Variants in PHACTR1 observed in about 807,000 individuals in gnomAD.
PHACTR1 encodes the protein phosphatase and actin regulator 1, also known as RPEL repeat containing 1.
PHACTR1 carries 16 observed loss-of-function variants against 69.2 expected under a neutral mutation model. The ratio of observed to expected loss-of-function variants is 0.23; its 90% confidence interval spans 0.16 to 0.35. PHACTR1 has a LOEUF of 0.35. PHACTR1 is among the 10% of genes least tolerant of loss of function. The probability of loss-of-function intolerance (pLI) is 1.00; values close to 1 mark genes in which losing one functional copy is unlikely to be tolerated. For missense variants in PHACTR1, 510 were observed against 734.7 expected (o/e 0.69, Z 3.54); for synonymous variants, 312 against 284.5 (o/e 1.10, Z -0.97).
chr6:13,164,080 C>G (rs931298991), intron 6 of PHACTR1, among the ~76,000 whole-genome samples: 2 of 152,060 alleles, frequency 1.3e-5, no homozygotes, highest in Admixed American at 6.5e-5. Context: ...CTGTGACCTC[C>G]TCAGAATGGC....
chr6:13,127,458 T>C (rs976584242), intron 5 of PHACTR1, among the ~76,000 whole-genome samples: 3 of 152,044 alleles, frequency 2.0e-5, no homozygotes, highest in Admixed American at 2.0e-4. Flanking sequence ...TAGTCTCAGC[T>C]ACTCAGGAGG....
chr6:13,117,430 C>T (rs1817974823), intron 5 of PHACTR1, among the ~76,000 whole-genome samples: 2 of 152,176 alleles, frequency 1.3e-5, no homozygotes, highest in African/African-American at 4.8e-5. Flanking sequence ...TGAATAATCT[C>T]AGTGGACTAT....
chr6:12,983,722 A>T (rs1795797588), intron 4 of PHACTR1, among the ~76,000 whole-genome samples: 1 of 152,010 alleles, frequency 6.6e-6, no homozygotes, highest in Non-Finnish European at 1.5e-5. Context: ...ACAGACCCTG[A>T]TGTGTGACGT....
intron 4 of PHACTR1, among the ~76,000 whole-genome samples, chr6:12,983,360 A>T (rs930425011): frequency 2.6e-5 from 4 of 152,194 alleles, no homozygotes; most frequent in Admixed American, 6.5e-5. Flanking sequence ...GGGTCTTGAC[A>T]GTTATGAAAG....
At chr6:13,020,513 G>C (rs370926273) in intron 4 of PHACTR1, among the ~76,000 whole-genome samples, 15 of 152,272 alleles carry the variant, frequency 9.9e-5, no homozygotes, top group African/African-American at 2.9e-4. Context: ...TCCTCCCTGG[G>C]GGTGAAGGCC....
chr6:13,086,110 A>G (rs889388075), intron 5 of PHACTR1, among the ~76,000 whole-genome samples: 3 of 148,306 alleles, frequency 2.0e-5, no homozygotes, highest in East Asian at 1.9e-4. Context: ...AAAAAAAGCT[A>G]AAAGGAAAAG....
At chr6:13,227,754 G>T (rs1770030197) in intron 8 of PHACTR1, 62 bp from the exon 9 acceptor site, 1 of 1,566,180 alleles carries the variant, frequency 6.4e-7, no homozygotes. Context: ...AAATGGTTTT[G>T]ATGCATTTAT....
intron 3 of PHACTR1, among the ~76,000 whole-genome samples, chr6:12,732,169 T>G (rs1354999197): frequency 1.3e-5 from 2 of 151,956 alleles, no homozygotes; most frequent in East Asian, 1.9e-4. Context: ...CAATGCAACA[T>G]ATAGTAATTA....
chr6:13,233,338 G>GATGCTTAAATACTTCTTGGAATTTGTA (rs11272260), intron 10 of PHACTR1, among the ~76,000 whole-genome samples: 4 of 151,964 alleles, frequency 2.6e-5, no homozygotes, highest in East Asian at 1.9e-4. Flanking sequence ...CCCTTATAAG[G>GATGCTTAAATACTTCTTGGAATTTGTA]ACATCCACTG....
chr6:13,048,393 G>A (rs1042422666), intron 4 of PHACTR1, among the ~76,000 whole-genome samples: 2 of 152,174 alleles, frequency 1.3e-5, no homozygotes, highest in East Asian at 3.9e-4. Context: ...TTCCAAAAAA[G>A]GCTGTTTGTG....
At chr6:12,844,397 C>T (rs1436023550) in intron 4 of PHACTR1, among the ~76,000 whole-genome samples, 1 of 151,976 alleles carries the variant, frequency 6.6e-6, no homozygotes, top group East Asian at 1.9e-4. Context: ...ACCCTATCCC[C>T]CGCCCCCAAA....
At chr6:12,804,225 T>C (rs1581826705) in intron 4 of PHACTR1, among the ~76,000 whole-genome samples, 1 of 152,236 alleles carries the variant, frequency 6.6e-6, no homozygotes, top group East Asian at 1.9e-4. Context: ...GCTCATTGAA[T>C]CATCTAATCA....
At position 13,205,901 on chromosome 6, in the gene PHACTR1, G is replaced by C. The variant is rs375123444; in HGVS notation, c.751G>C (p.Val251Leu). ...AAAGAAAGTCATGATCTGTATGCCC[G>C]TGGGGGGGCCAGACCTCTCACTGGT... ...PPKKVMICMP[V>L]GGPDLSLVSY... Residue 251 changes from valine to leucine, a missense_variant, in exon 8 of 15, where the codon GTG becomes CTG. Transcript: ENST00000332995. 1.2e-6 allele frequency: 2 copies of C among 1,613,634 alleles called. No individual in the cohort carries two copies. Among genetic ancestry groups the C allele is most frequent in the Non-Finnish European group, 1.7e-6 (2 of 1,179,594 alleles).
At position 12,745,191 on chromosome 6, in the gene PHACTR1, C is replaced by T. The variant is rs958035; in HGVS notation, c.104-4453C>T. 4.5e-3 allele frequency among the ~76,000 whole-genome samples: 682 copies of T among 152,168 alleles called. 8 individuals are homozygous for T. Among genetic ancestry groups the T allele is most frequent in the African/African-American group, 0.016 (659 of 41,502 alleles). Reference sequence around the variant, plus strand: ...AATATCACATCCTTCTTTCTCCCTCCGCTTCTCACCTCCATCCTCTTCCAT... The same window carrying T: ...AATATCACATCCTTCTTTCTCCCTCTGCTTCTCACCTCCATCCTCTTCCAT... On this transcript the variant is annotated intron_variant, in intron 3 of 14. Coordinates refer to ENST00000332995, the MANE Select transcript of PHACTR1 (RefSeq NM_030948.6).
At chr6:12,918,556 T>C (rs1440755201) in intron 4 of PHACTR1, among the ~76,000 whole-genome samples, 1 of 152,250 alleles carries the variant, frequency 6.6e-6, no homozygotes, top group African/African-American at 2.4e-5. Context: ...ATCGTTATCA[T>C]TGTTTCATTA....
chr6:12,800,237 A>G (rs1319686308), intron 4 of PHACTR1, among the ~76,000 whole-genome samples: 2 of 152,234 alleles, frequency 1.3e-5, no homozygotes, highest in East Asian at 3.9e-4. Flanking sequence ...TGAGTTTCAA[A>G]GGATGTAAAT....
chr6:12,938,389 G>A (rs1789700935), intron 4 of PHACTR1, among the ~76,000 whole-genome samples: 1 of 151,988 alleles, frequency 6.6e-6, no homozygotes, highest in South Asian at 2.1e-4. Flanking sequence ...TCTATGTTAG[G>A]CTAGCTGCAT....
chr6:13,090,535 G>C (rs146614745), intron 5 of PHACTR1, among the ~76,000 whole-genome samples: 146 of 152,074 alleles, frequency 9.6e-4, no homozygotes, highest in African/African-American at 3.4e-3. Flanking sequence ...ATGTTGGTCA[G>C]ACTGGTCTTG....
rs571615239 is a variant in PHACTR1 at position 13,145,847 on chromosome 6, G to A, written c.416-14357G>A. ...AAAACAAATTCCTGTTGTTTAAGCC[G>A]GTCTATAGTGTTTTGTCATGGCAGC... On this transcript the variant is annotated intron_variant, in intron 5 of 14. Coordinates refer to ENST00000332995, the MANE Select transcript of PHACTR1 (RefSeq NM_030948.6). Among the ~76,000 whole-genome samples, 231 of 152,252 alleles carry A rather than the reference G, an allele frequency of 1.5e-3. 3 individuals carry two copies. In the South Asian group the frequency reaches 0.017, roughly 11 times the overall value.
Sources: gnomAD v4.1 joint callset for allele counts (sites outside exome capture counted in the v4.1 genomes callset) on GRCh38, gnomAD v4.1.1 for gene constraint, MANE v1.5 for transcripts, NCBI Gene and HGNC (gene_info 2026-07-23, HGNC 2026-07-21) for gene names.